WDR91: variants seen among roughly 807,000 people sequenced by gnomAD.
WDR91 encodes WD repeat-containing protein 91.
A neutral mutation model predicts 88.4 loss-of-function variants in WDR91; 52 were observed. The observed-to-expected ratio is 0.59, with a 90% CI of 0.47 to 0.74. WDR91 has a LOEUF of 0.74. Ranked by LOEUF, WDR91 falls within the 30% of genes least tolerant of loss-of-function variation. WDR91 has a pLI of 0.00. For synonymous variants in WDR91, 362 were observed against 389.5 expected, an observed-to-expected ratio of 0.93 and a Z score of 0.83; for missense variants, 824 against 954.5, an observed-to-expected ratio of 0.86 and a Z score of 1.80.
In WDR91 at chr7:135,193,299, C is replaced by T. The variant is rs770382150; in HGVS notation, c.1591G>A (p.Gly531Ser). The change falls in exon 11 of 15, where the codon GGC (glycine) becomes AGC (serine). Residue 531 changes from glycine (G) to serine (S), a missense_variant. By Grantham distance (56) the Gly-to-Ser change is moderately conservative. Transcript: ENST00000354475. Reference sequence around the variant, plus strand: ...GGAACCTGGTTCATGCCCTTGCTGCCGATGTCTGGTGCTGAGAAGTCCACC... The same window carrying T: ...GGAACCTGGTTCATGCCCTTGCTGCTGATGTCTGGTGCTGAGAAGTCCACC... ...SQVDFSAPDIGSKGMNQVPGR... is the reference protein window; with the variant it reads ...SQVDFSAPDISSKGMNQVPGR... 48 of 1,614,074 alleles carry T rather than the reference C, an allele frequency of 3.0e-5. 1 individual carries two copies. Among genetic ancestry groups the T allele is most frequent in the Admixed American group, 5.0e-5 (3 of 60,014 alleles).
chr7:135,189,687 T>A (rs1831090202), intron 11 of WDR91, among the ~76,000 whole-genome samples: 1 of 152,196 alleles, frequency 6.6e-6, no homozygotes, highest in East Asian at 1.9e-4. Flanking sequence ...GAAATGATAA[T>A]CCATGCTTGC....
chr7:135,186,990 T>C lies in WDR91; in HGVS notation c.2061A>G (p.Thr687=). ...CAGTTACCTTGTAGATGACGCCGCC[T>C]GTGGCAGAACATGTCAGCATGTAAT... The part of the protein sequence containing the change: ...EGNYMLTCSA[T]GGVIYKLGGD... The change falls in exon 14 of 15, where the codon ACA becomes ACG. Residue 687 remains threonine (T), a synonymous_variant. Coordinates refer to ENST00000354475, the MANE Select transcript of WDR91 (RefSeq NM_014149.4). 6.2e-7 allele frequency: 1 copy of C among 1,613,990 alleles called. No individual in the cohort carries two copies. Among genetic ancestry groups the C allele is most frequent in the African/African-American group, 1.3e-5 (1 of 75,050 alleles).
Position 135,186,223 on chromosome 7 carries a change from G to C in WDR91, c.2172C>G (p.Asp724Glu). The change falls in exon 15 of 15, where the codon GAC (aspartate) becomes GAG (glutamate). Residue 724 changes from aspartate to glutamate, a missense_variant. Coordinates refer to ENST00000354475, the MANE Select transcript of WDR91 (RefSeq NM_014149.4). ...TGGAGGCGGTGAGGCAGGTCCCACA[G>C]TCCATGGCAGTGCTCCAGTCCACGG... ...VVTVDWSTAM[D>E]CGTCLTASMD... is the part of the protein sequence containing the mutation. The C allele has an allele frequency of 6.2e-6, 10 of 1,611,826 alleles. No homozygotes were observed. Among genetic ancestry groups the C allele is most frequent in the Non-Finnish European group, 8.5e-6 (10 of 1,179,042 alleles).
At chr7:135,195,566 C>T (rs1831332647) in intron 8 of WDR91, among the ~76,000 whole-genome samples, 1 of 152,210 alleles carries the variant, frequency 6.6e-6, no homozygotes, top group Non-Finnish European at 1.5e-5. Flanking sequence ...CCTAAAAGTA[C>T]CATCATAAAG....
rs769910616 is a variant in WDR91 at position 135,196,116 on chromosome 7, G to A, written c.1244+28C>T. 1 of 1,470,984 alleles carries A rather than the reference G, an allele frequency of 6.8e-7. No individual in the cohort carries two copies. The highest frequency in any genetic ancestry group is 9.0e-7 in the Non-Finnish European group (1 of 1,105,558). 91.1% of individuals were successfully genotyped at this position (1,470,984 alleles called of 1,614,324 possible). On this transcript the variant is annotated intron_variant, in intron 8 of 14. Transcript: ENST00000354475. This position sits in a 1 kb window ranked among gnomAD's most constrained non-coding sequence, Gnocchi z 4.2. The stretch of plus-strand genomic sequence containing the variant: ...CTGCCTGAAAATCTGAGCTTCCCAG[G>A]GTTTCCTTGGCCCCAGGCCCAACCC...
In WDR91 at chr7:135,196,170, T is replaced by C. The variant is rs746735708; in HGVS notation, c.1218A>G (p.Glu406=). 3.9e-5 allele frequency: 61 copies of C among 1,572,412 alleles called. No individual in the cohort carries two copies. Among genetic ancestry groups the C allele is most frequent in the Non-Finnish European group, 5.3e-5 (61 of 1,157,686 alleles). The change falls in exon 8 of 15, where the codon GAA becomes GAG. Residue 406 remains glutamate, a synonymous_variant. Transcript: ENST00000354475. This position sits in a 1 kb window ranked among gnomAD's most constrained non-coding sequence, Gnocchi z 4.2. ...FIVLGQEEYG[E]HHSSIMHCRV... Reference sequence around the variant, plus strand: ...TGCAGTGCATGATGGATGAGTGGTGTTCCCCGTACTCCTCCTGTCCCAGCA... The same window carrying C: ...TGCAGTGCATGATGGATGAGTGGTGCTCCCCGTACTCCTCCTGTCCCAGCA...
chr7:135,204,282 A>T lies in WDR91; in HGVS notation c.877T>A (p.Ser293Thr). The T allele has an allele frequency of 6.2e-7, 1 of 1,613,792 alleles. No individual in the cohort carries two copies. The highest frequency in any genetic ancestry group is 8.5e-7 in the Non-Finnish European group (1 of 1,179,932). ...PQPQSSAKKE[S>T]FGGQGTKGKD... ...CTTGTGCTTACCTGACCACCGAAGG[A>T]CTCTTTCTTGGCCGAGCTCTGAGGT... Residue 293 changes from serine (S) to threonine (T), a missense_variant, in exon 6 of 15, where the codon TCC (serine) becomes ACC (threonine). Transcript: ENST00000354475.
intron 1 of WDR91, chr7:135,210,930 C>A (rs369023069): frequency 1.4e-6 from 1 of 703,428 alleles, no homozygotes; most frequent in Admixed American, 2.0e-5. Flanking sequence ...GCCGATGAGT[C>A]CCTGACGAGG....
chr7:135,206,162 C>A, intron 4 of WDR91, 104 bp from the exon 5 acceptor site: 1 of 1,466,074 alleles, frequency 6.8e-7, no homozygotes, highest in Non-Finnish European at 9.5e-7. Context: ...GTCTGAGTGC[C>A]ACTCGCCTCA....
At chr7:135,198,959 C>T (rs1377063191) in intron 6 of WDR91, 1 of 152,172 alleles carries the variant, frequency 6.6e-6, no homozygotes, top group East Asian at 1.9e-4. Context: ...TTTTTACCCA[C>T]AAATTGTGAT....
chr7:135,209,449 A>ACT, intron 2 of WDR91, 127 bp downstream of exon 2: 1 of 891,090 alleles, frequency 1.1e-6, no homozygotes, highest in Non-Finnish European at 1.6e-6. Context: ...AAATAATTGC[A>ACT]CTGTAACTGC....
intron 10 of WDR91, 55 bp from the exon 11 acceptor site, chr7:135,193,454 G>A: frequency 6.2e-7 from 1 of 1,610,456 alleles, no homozygotes; most frequent in African/African-American, 1.3e-5. Flanking sequence ...GAGGGAGGGT[G>A]CACTTTGGTC....
intron 6 of WDR91, among the ~76,000 whole-genome samples, chr7:135,202,646 T>A (rs1191617523): frequency 2.0e-5 from 3 of 152,202 alleles, no homozygotes; most frequent in South Asian, 2.1e-4. Context: ...TGTCTCTATG[T>A]TTTCTTTCAA....
At chr7:135,197,861 C>A in intron 7 of WDR91, 132 bp downstream of exon 7, 1 of 1,144,024 alleles carries the variant, frequency 8.7e-7, no homozygotes, top group South Asian at 1.8e-5. Flanking sequence ...AAATACAAGC[C>A]ATTGAAACCA....
intron 14 of WDR91, 145 bp from the exon 15 acceptor site, chr7:135,186,460 C>G (rs1830946559): frequency 1.1e-6 from 1 of 898,988 alleles, no homozygotes; most frequent in Non-Finnish European, 1.6e-6. Flanking sequence ...CTTTTTGAAC[C>G]AGGAAATGCT....
Position 135,196,007 on chromosome 7 carries a change from T to A in WDR91, c.1244+137A>T. The A allele has an allele frequency of 1.3e-6, 1 of 769,676 alleles. No individual in the cohort carries two copies. Among genetic ancestry groups the A allele is most frequent in the Non-Finnish European group, 1.9e-6 (1 of 524,956 alleles). The allele number at this position is 769,676 out of a possible 1,614,324, so 47.7% of individuals were successfully genotyped here. A position where few individuals can be genotyped will look rare whatever the true frequency, so the allele number is the denominator to read the frequency against. On this transcript the variant is annotated intron_variant, in intron 8 of 14. Transcript: ENST00000354475. This position sits in a 1 kb window ranked among gnomAD's most constrained non-coding sequence, Gnocchi z 4.2. ...CAGTCCACTGGCAGCTCCAACCGAC[T>A]CCCATGACTCTACTGCCATGACTGT... is the stretch of plus-strand genomic sequence containing the variant.
In WDR91 at chr7:135,207,169, C is replaced by G. The variant is rs901932442; in HGVS notation, c.545G>C (p.Cys182Ser). ...VPVILNFDAE[C>S]QRTNQVQEEN... The stretch of plus-strand genomic sequence containing the variant: ...TTCTTGAACCTGGTTAGTCCTCTGA[C>G]ACTCCGCATCAAAGTTCAGGATCAC... Residue 182 changes from cysteine (C) to serine (S), a missense_variant, in exon 4 of 15, where the codon TGT becomes TCT. Cys to Ser is a moderately radical substitution (Grantham distance 112). Coordinates refer to ENST00000354475, the MANE Select transcript of WDR91 (RefSeq NM_014149.4). 1.2e-6 allele frequency: 2 copies of G among 1,607,888 alleles called. No individual in the cohort carries two copies. Among genetic ancestry groups the G allele is most frequent in the Non-Finnish European group, 8.5e-7 (1 of 1,175,726 alleles).
At chr7:135,204,765 C>T (rs1831700166) in intron 5 of WDR91, among the ~76,000 whole-genome samples, 1 of 152,132 alleles carries the variant, frequency 6.6e-6, no homozygotes, top group East Asian at 1.9e-4. Flanking sequence ...GTAAAATTGA[C>T]ACTGGAATTC....
chr7:135,187,787 C>T (rs550801088), intron 13 of WDR91, among the ~76,000 whole-genome samples: 1 of 152,258 alleles, frequency 6.6e-6, no homozygotes, highest in Non-Finnish European at 1.5e-5. Flanking sequence ...ACAAGGAAGT[C>T]GAGCTTTAAT....
Sources: gnomAD v4.1 joint callset for allele counts (sites outside exome capture counted in the v4.1 genomes callset) on GRCh38, gnomAD v4.1.1 for gene constraint, Gnocchi (gnomAD v3.1) non-coding constraint, MANE v1.5 for transcripts, NCBI Gene and HGNC (gene_info 2026-07-23, HGNC 2026-07-21) for gene names.